Variants in KCTD16 observed in about 807,000 individuals in gnomAD.
The protein encoded by KCTD16 is BTB/POZ domain-containing protein KCTD16.
KCTD16 carries 13 observed loss-of-function variants against 33.2 expected under a neutral mutation model. That is an observed-to-expected ratio of 0.39 (90% CI 0.25 to 0.62). The LOEUF is 0.62. KCTD16 is among the 20% of genes least tolerant of loss of function. The probability of loss-of-function intolerance (pLI) is 0.50; values close to 1 mark genes in which losing one functional copy is unlikely to be tolerated. For missense variants in KCTD16, 441 were observed against 525.1 expected (o/e 0.84, Z 1.57); for synonymous variants, 197 against 195.3 (o/e 1.01, Z -0.07).
intron 3 of KCTD16, among the ~76,000 whole-genome samples, chr5:144,349,935 G>A (rs1222166261): frequency 2.6e-5 from 4 of 152,136 alleles, no homozygotes; most frequent in African/African-American, 9.7e-5. Flanking sequence ...ATCCCTTCCT[G>A]TAGCGCAGGC....
chr5:144,377,780 A>G (rs2126928655), intron 3 of KCTD16: 1 of 152,334 alleles, frequency 6.6e-6, no homozygotes, highest in African/African-American at 2.4e-5. Context: ...GACTAGGGAC[A>G]TGGAAAAGAG....
intron 3 of KCTD16, among the ~76,000 whole-genome samples, chr5:144,363,457 C>T (rs960606220): frequency 2.6e-5 from 4 of 152,058 alleles, no homozygotes; most frequent in Non-Finnish European, 5.9e-5. Flanking sequence ...TCATCACCGT[C>T]CTTCTGCTTA....
chr5:144,416,033 C>T (rs573203818), intron 3 of KCTD16, among the ~76,000 whole-genome samples: 99 of 152,242 alleles, frequency 6.5e-4, no homozygotes, highest in African/African-American at 2.3e-3. Context: ...ATATTACTGT[C>T]GCTCATCATT....
intron 2 of KCTD16, among the ~76,000 whole-genome samples, chr5:144,175,009 A>C (rs868631539): frequency 6.6e-6 from 1 of 152,210 alleles, no homozygotes. Flanking sequence ...AGGGGAGATA[A>C]TATGAAAAAC....
chr5:144,279,016 G>A (rs187696239), intron 3 of KCTD16, among the ~76,000 whole-genome samples: 1 of 152,162 alleles, frequency 6.6e-6, no homozygotes. Context: ...TTCAGGAAAA[G>A]ATTTTGTACA....
At chr5:144,424,944 TC>T (rs1753291254) in intron 3 of KCTD16, among the ~76,000 whole-genome samples, 1 of 152,102 alleles carries the variant, frequency 6.6e-6, no homozygotes. Context: ...CAAACTTATG[TC>T]CTCACATACA....
At chr5:144,370,271 A>T (rs1018323305) in intron 3 of KCTD16, among the ~76,000 whole-genome samples, 2 of 152,190 alleles carry the variant, frequency 1.3e-5, no homozygotes, top group African/African-American at 4.8e-5. Flanking sequence ...AAAGCTCCTG[A>T]CAGAGAAACT....
At chr5:144,465,949 C>T (rs186237521) in intron 3 of KCTD16, among the ~76,000 whole-genome samples, 1 of 152,124 alleles carries the variant, frequency 6.6e-6, no homozygotes, top group East Asian at 1.9e-4. Context: ...AGTGATTCTC[C>T]AGTCTCAGCC....
chr5:144,304,979 T>TC (rs1751559693), intron 3 of KCTD16, among the ~76,000 whole-genome samples: 2 of 24,662 alleles, frequency 8.1e-5, no homozygotes, highest in Non-Finnish European at 1.4e-4. Flanking sequence ...ATCAAAATCT[T>TC]TTTTTTTTTT....
intron 3 of KCTD16, among the ~76,000 whole-genome samples, chr5:144,387,889 G>A (rs1455428489): frequency 6.6e-6 from 1 of 151,886 alleles, no homozygotes; most frequent in Non-Finnish European, 1.5e-5. Context: ...CTAATCACAA[G>A]GTCTAGTGTC....
chr5:144,408,308 A>G (rs1287525769), intron 3 of KCTD16, among the ~76,000 whole-genome samples: 1 of 152,236 alleles, frequency 6.6e-6, no homozygotes, highest in Non-Finnish European at 1.5e-5. Flanking sequence ...AACTCCTGGC[A>G]AAGAGAATTC....
intron 3 of KCTD16, among the ~76,000 whole-genome samples, chr5:144,290,342 ACT>A (rs1755861477): frequency 6.6e-6 from 1 of 151,508 alleles, no homozygotes; most frequent in South Asian, 2.1e-4. Context: ...TCAATAAAAA[ACT>A]CTATCGTATT....
intron 3 of KCTD16, among the ~76,000 whole-genome samples, chr5:144,310,908 G>A (rs932109009): frequency 1.3e-5 from 2 of 152,168 alleles, no homozygotes; most frequent in African/African-American, 2.4e-5. Context: ...GCTCTGAGGA[G>A]CGGGAAAATA....
chr5:144,309,728 C>T (rs1751709167), intron 3 of KCTD16, among the ~76,000 whole-genome samples: 1 of 152,122 alleles, frequency 6.6e-6, no homozygotes, highest in African/African-American at 2.4e-5. Flanking sequence ...ACACACTGGT[C>T]CTAAGTTCGA....
chr5:144,206,524 TCAGCATCAC>T lies in KCTD16; in HGVS notation c.-190_-182del. 1 of 549,728 alleles carries T rather than the reference TCAGCATCAC, an allele frequency of 1.8e-6. No homozygotes were observed. The highest frequency in any genetic ancestry group is 3.2e-6 in the Non-Finnish European group (1 of 313,456). 34.1% of individuals were successfully genotyped at this position (549,728 alleles called of 1,614,324 possible). A position where few individuals can be genotyped will look rare whatever the true frequency, so the allele number is the denominator to read the frequency against. On this transcript the variant is annotated 5_prime_UTR_variant, in exon 3 of 4. Transcript: ENST00000512467. The stretch of plus-strand genomic sequence containing the variant: ...ACCATCCAGGGTTTAAACTACTTTT[TCAGCATCAC>T]TTCACCTGTGGACTCTTATACATTT...
chr5:144,466,856 C>A (rs1754342738), intron 3 of KCTD16, among the ~76,000 whole-genome samples: 1 of 150,132 alleles, frequency 6.7e-6, no homozygotes, highest in African/African-American at 2.4e-5. Flanking sequence ...ATGTAAAGTG[C>A]TGAGCACAAT....
intron 3 of KCTD16, among the ~76,000 whole-genome samples, chr5:144,295,170 T>G (rs997996364): frequency 1.4e-4 from 21 of 152,222 alleles, no homozygotes; most frequent in African/African-American, 4.8e-4. Flanking sequence ...GTCAGATGCA[T>G]AGAAAGAGCT....
chr5:144,270,462 A>G (rs1215565689), intron 3 of KCTD16, among the ~76,000 whole-genome samples: 2 of 151,966 alleles, frequency 1.3e-5, no homozygotes, highest in African/African-American at 4.8e-5. Context: ...GAAAATTAGA[A>G]AATACTTAGA....
At position 144,320,912 on chromosome 5, in the gene KCTD16, A is replaced by G. The variant is rs894986045; in HGVS notation, c.832+113366A>G. Among the ~76,000 whole-genome samples, 9 of 152,028 alleles carry G rather than the reference A, an allele frequency of 5.9e-5. No homozygotes were observed. In the East Asian group the frequency reaches 1.5e-3, roughly 26 times the overall value. On this transcript the variant is annotated intron_variant, in intron 3 of 3. Transcript: ENST00000512467. ...CTCTTGTTGTCCAGGCTGGAGTGCAATGGCGTGATCTCGGCTTACTGCAAC... is the reference window on the plus strand; with the variant it reads ...CTCTTGTTGTCCAGGCTGGAGTGCAGTGGCGTGATCTCGGCTTACTGCAAC...
Sources: allele counts gnomAD v4.1 joint callset (sites outside exome capture counted in the v4.1 genomes callset), GRCh38; gene constraint gnomAD v4.1.1; transcripts MANE v1.5; gene names NCBI Gene and HGNC (gene_info 2026-07-23, HGNC 2026-07-21).